The following RPS27L variants were observed in gnomAD, a reference collection of about 807,000 sequenced individuals.
The protein encoded by RPS27L is ribosomal protein eS27-like.
RPS27L carries 10 observed loss-of-function variants against 12.8 expected under a neutral mutation model. The observed-to-expected ratio is 0.78, with a 90% CI of 0.48 to 1.33. RPS27L has a LOEUF of 1.33. Ranked by LOEUF, RPS27L falls within the 40% of genes most tolerant of loss-of-function variation. RPS27L has a pLI of 0.00. For missense variants in RPS27L, 81 were observed against 97.4 expected (o/e 0.83, Z 0.71); for synonymous variants, 26 against 32.3 (o/e 0.81, Z 0.66).
At chr15:63,154,357 G>C (rs1456810091) in intron 3 of RPS27L, 1 of 321,050 alleles carries the variant, frequency 3.1e-6, no homozygotes, top group Non-Finnish European at 5.6e-6. Context: ...GCTGTCAGAA[G>C]ATATACTCTT....
In RPS27L at chr15:63,156,619, C is replaced by T. The variant is rs771193918; in HGVS notation, c.7-98G>A. The T allele has an allele frequency of 1.1e-5, 8 of 761,362 alleles. No individual in the cohort carries two copies. In the South Asian group the frequency reaches 1.1e-4, roughly 10 times the overall value. The allele number at this position is 761,362 out of a possible 1,614,324, so 47.2% of individuals were successfully genotyped here. A position where few individuals can be genotyped will look rare whatever the true frequency, so the allele number is the denominator to read the frequency against. On this transcript the variant is annotated intron_variant, in intron 1 of 3. Coordinates refer to ENST00000330964, the MANE Select transcript of RPS27L (RefSeq NM_015920.4). Reference sequence around the variant, plus strand: ...TACATGCAAAAACAGGAATAACGGTCATCCTCGGCAGAAGCAACACGTCAG... The same window carrying T: ...TACATGCAAAAACAGGAATAACGGTTATCCTCGGCAGAAGCAACACGTCAG...
chr15:63,154,231 C>A, intron 3 of RPS27L, 171 bp from the exon 4 acceptor site: 1 of 586,208 alleles, frequency 1.7e-6, no homozygotes, highest in Non-Finnish European at 3.0e-6. Flanking sequence ...ATACATCTAT[C>A]ATATCTGAGT....
chr15:63,154,910 A>AT (rs941506272), intron 3 of RPS27L: 9 of 124,732 alleles, frequency 7.2e-5, no homozygotes, highest in African/African-American at 2.1e-4. Flanking sequence ...GCTGGCAATG[A>AT]TAAAAAAAAA....
intron 1 of RPS27L, 72 bp downstream of exon 1, chr15:63,157,328 G>C: frequency 6.5e-7 from 1 of 1,546,222 alleles, no homozygotes; most frequent in Non-Finnish European, 8.9e-7. Flanking sequence ...GAGGCAGCCG[G>C]ACTCATCCGT....
chr15:63,157,406 G>A lies in RPS27L; in HGVS notation c.-1C>T. ...CCCGATGTAAACAACTCACAGGCAT[G>A]TTGATCCTCTTGCAAGCTCAGCCCT... On this transcript the variant is annotated 5_prime_UTR_variant, in exon 1 of 4. Transcript: ENST00000330964. The A allele has an allele frequency of 6.2e-7, 1 of 1,614,136 alleles. No individual in the cohort carries two copies. The highest frequency in any genetic ancestry group is 1.3e-5 in the African/African-American group (1 of 75,070).
chr15:63,153,742 GAC>G lies in RPS27L; in HGVS notation c.*288_*289del, dbSNP rs2037315013. 1 of 244,526 alleles carries G rather than the reference GAC, an allele frequency of 4.1e-6. No individual in the cohort carries two copies. Among genetic ancestry groups the G allele is most frequent in the Non-Finnish European group, 7.4e-6 (1 of 135,860 alleles). The allele number at this position is 244,526 out of a possible 1,614,324, so 15.1% of individuals were successfully genotyped here. On this transcript the variant is annotated 3_prime_UTR_variant, in exon 4 of 4. Coordinates refer to ENST00000330964, the MANE Select transcript of RPS27L (RefSeq NM_015920.4). Reference sequence around the variant, plus strand: ...TCTCTCTCTCAAAAAAAAAAAAAAAGACACAAACTAATCAGAATAAATTTTAA... The same window carrying G: ...TCTCTCTCTCAAAAAAAAAAAAAAAGACAAACTAATCAGAATAAATTTTAA...
chr15:63,151,176 G>A lies in RPS27L; in HGVS notation c.*2856C>T, dbSNP rs2141084381. 1 of 152,274 alleles carries A rather than the reference G, an allele frequency of 6.6e-6. No homozygotes were observed. The highest frequency in any genetic ancestry group is 1.9e-4 in the East Asian group (1 of 5,182). 9.4% of individuals were successfully genotyped at this position (152,274 alleles called of 1,614,324 possible). A position where few individuals can be genotyped will look rare whatever the true frequency, so the allele number is the denominator to read the frequency against. On this transcript the variant is annotated 3_prime_UTR_variant, in exon 4 of 4. Transcript: ENST00000330964. Reference sequence around the variant, plus strand: ...TTTTCAAAACCAGTAATACCATCTAGATTAATAATAAAGTAAAACTTAATA... The same window carrying A: ...TTTTCAAAACCAGTAATACCATCTAAATTAATAATAAAGTAAAACTTAATA...
At chr15:63,156,376 T>C (rs1230225056) in intron 2 of RPS27L, 37 bp downstream of exon 2, 1 of 1,164,930 alleles carries the variant, frequency 8.6e-7, no homozygotes, top group Admixed American at 2.1e-5. Context: ...CCTACAGAAA[T>C]TTTCTTTAGT....
At position 63,148,858 on chromosome 15, in the gene RPS27L, T is replaced by TTC. The variant is rs1566996181; in HGVS notation, c.*5173_*5174insGA. 6.2e-5 allele frequency: 9 copies of TTC among 145,158 alleles called. No homozygotes were observed. Among genetic ancestry groups the TTC allele is most frequent in the South Asian group, 2.2e-4 (1 of 4,600 alleles). 9.0% of individuals were successfully genotyped at this position (145,158 alleles called of 1,614,324 possible). A position where few individuals can be genotyped will look rare whatever the true frequency, so the allele number is the denominator to read the frequency against. On this transcript the variant is annotated 3_prime_UTR_variant, in exon 4 of 4. Coordinates refer to ENST00000330964, the MANE Select transcript of RPS27L (RefSeq NM_015920.4). ...CCATGACCTGATGTCATTTCTTTTT[T>TTC]TTTTTTTTTTTTTTTTTTCTGAGAC...
Position 63,155,734 on chromosome 15 carries a change from A to G in RPS27L, c.116-3T>C, listed in dbSNP as rs547223571. ...AACCGTGGTGATCTTGTAGCAACCT[A>G]AAAAAAAAAAAAGGCAATGTTAAAA... On this transcript the variant is annotated splice_region_variant and splice_polypyrimidine_tract_variant and intron_variant, in intron 2 of 3. Transcript: ENST00000330964. 25 of 288,554 alleles carry G rather than the reference A, an allele frequency of 8.7e-5. No individual in the cohort carries two copies. In the South Asian group the frequency reaches 2.4e-3, roughly 28 times the overall value. The allele number at this position is 288,554 out of a possible 1,614,324, so 17.9% of individuals were successfully genotyped here.
chr15:63,155,445 T>C (rs1215480841), intron 3 of RPS27L, 176 bp downstream of exon 3: 2 of 442,952 alleles, frequency 4.5e-6, no homozygotes, highest in Non-Finnish European at 8.1e-6. Context: ...TGGAGTTCAC[T>C]GCAAGGTCAA....
In RPS27L at chr15:63,150,560, G is replaced by T. The variant is rs947985205; in HGVS notation, c.*3472C>A. On this transcript the variant is annotated 3_prime_UTR_variant, in exon 4 of 4. Transcript: ENST00000330964. ...ACAGAAAGGAATTAGAGCTTTATCA[G>T]ATGACTTACAGGAACGACCAGACAC... 3 of 152,226 alleles carry T rather than the reference G, an allele frequency of 2.0e-5. No individual in the cohort carries two copies. Among genetic ancestry groups the T allele is most frequent in the Non-Finnish European group, 4.4e-5 (3 of 68,038 alleles). 9.4% of individuals were successfully genotyped at this position (152,226 alleles called of 1,614,324 possible).
Position 63,150,525 on chromosome 15 carries a change from G to A in RPS27L, c.*3507C>T, listed in dbSNP as rs538490760. The A allele has an allele frequency of 2.6e-5, 4 of 152,278 alleles. No individual in the cohort carries two copies. Among genetic ancestry groups the A allele is most frequent in the Non-Finnish European group, 5.9e-5 (4 of 68,020 alleles). The allele number at this position is 152,278 out of a possible 1,614,324, so 9.4% of individuals were successfully genotyped here. A position where few individuals can be genotyped will look rare whatever the true frequency, so the allele number is the denominator to read the frequency against. On this transcript the variant is annotated 3_prime_UTR_variant, in exon 4 of 4. Transcript: ENST00000330964. ...TTATAGTATCTGAATCATATCTCCA[G>A]AAAAATAAAACAGAAAGGAATTAGA... is the stretch of plus-strand genomic sequence containing the variant.
At position 63,151,593 on chromosome 15, in the gene RPS27L, A is replaced by T. The variant is rs12148069; in HGVS notation, c.*2439T>A. The T allele has an allele frequency of 0.38, 57,283 of 152,008 alleles. 12,348 individuals are homozygous for T. The highest frequency in any genetic ancestry group is 0.5 in the Non-Finnish European group (34,304 of 67,940). 9.4% of individuals were successfully genotyped at this position (152,008 alleles called of 1,614,324 possible). On this transcript the variant is annotated 3_prime_UTR_variant, in exon 4 of 4. Coordinates refer to ENST00000330964, the MANE Select transcript of RPS27L (RefSeq NM_015920.4). ...AAAAAATACTTCCAAGGGAATTTTC[A>T]GGGTTTGTTAGATTAGTCCTCATCA...
intron 1 of RPS27L, chr15:63,156,820 G>A: frequency 1.8e-6 from 1 of 541,254 alleles, no homozygotes; most frequent in East Asian, 3.3e-5. Context: ...AAAACTGCGC[G>A]AAGTCGAGGT....
rs1396501776 is a variant in RPS27L, at chr15:63,149,425, G to A, written c.*4607C>T. 4 of 151,864 alleles carry A rather than the reference G, an allele frequency of 2.6e-5. No homozygotes were observed. Among genetic ancestry groups the A allele is most frequent in the East Asian group, 3.9e-4 (2 of 5,108 alleles). The allele number at this position is 151,864 out of a possible 1,614,324, so 9.4% of individuals were successfully genotyped here. A position where few individuals can be genotyped will look rare whatever the true frequency, so the allele number is the denominator to read the frequency against. On this transcript the variant is annotated 3_prime_UTR_variant, in exon 4 of 4. Coordinates refer to ENST00000330964, the MANE Select transcript of RPS27L (RefSeq NM_015920.4). ...AAAAATACTTTAAAAAAATTAGCCC[G>A]GCGTGGTGGCACACGCCTGTAGTCT...
chr15:63,155,746 A>G lies in RPS27L; in HGVS notation c.116-15T>C. 9 of 1,319,734 alleles carry G rather than the reference A, an allele frequency of 6.8e-6. No homozygotes were observed. The highest frequency in any genetic ancestry group is 9.2e-6 in the Non-Finnish European group (9 of 978,014). The allele number at this position is 1,319,734 out of a possible 1,614,324, so 81.8% of individuals were successfully genotyped here. On this transcript the variant is annotated splice_polypyrimidine_tract_variant and intron_variant, in intron 2 of 3. Coordinates refer to ENST00000330964, the MANE Select transcript of RPS27L (RefSeq NM_015920.4). ...CTTGTAGCAACCTAAAAAAAAAAAA[A>G]GGCAATGTTAAAAATGAAAAGCAGA...
In RPS27L at chr15:63,153,745, A is replaced by C; in HGVS notation, c.*287T>G. 1.9e-5 allele frequency: 6 copies of C among 310,418 alleles called. No individual in the cohort carries two copies. The highest frequency in any genetic ancestry group is 2.9e-5 in the Non-Finnish European group (5 of 174,864). 19.2% of individuals were successfully genotyped at this position (310,418 alleles called of 1,614,324 possible). A position where few individuals can be genotyped will look rare whatever the true frequency, so the allele number is the denominator to read the frequency against. On this transcript the variant is annotated 3_prime_UTR_variant, in exon 4 of 4. Coordinates refer to ENST00000330964, the MANE Select transcript of RPS27L (RefSeq NM_015920.4). ...CTCTCTCAAAAAAAAAAAAAAAGAC[A>C]CAAACTAATCAGAATAAATTTTAAA...
At position 63,150,261 on chromosome 15, in the gene RPS27L, T is replaced by C. The variant is rs1448202237; in HGVS notation, c.*3771A>G. 1 of 152,200 alleles carries C rather than the reference T, an allele frequency of 6.6e-6. No individual in the cohort carries two copies. Among genetic ancestry groups the C allele is most frequent in the Non-Finnish European group, 1.5e-5 (1 of 68,034 alleles). 9.4% of individuals were successfully genotyped at this position (152,200 alleles called of 1,614,324 possible). A position where few individuals can be genotyped will look rare whatever the true frequency, so the allele number is the denominator to read the frequency against. ...CATACAGAAGCTACATACCATGTGA[T>C]TCCATTTATACGAAATAGCATTATA... is the stretch of plus-strand genomic sequence containing the variant. On this transcript the variant is annotated 3_prime_UTR_variant, in exon 4 of 4. Transcript: ENST00000330964.
Sources: allele counts gnomAD v4.1 joint callset, GRCh38; gene constraint gnomAD v4.1.1; transcripts MANE v1.5; gene names NCBI Gene and HGNC (gene_info 2026-07-23, HGNC 2026-07-21).